Variants in CADPS2 observed in about 807,000 individuals in gnomAD.
The protein encoded by CADPS2 is calcium-dependent secretion activator 2.
CADPS2 carries 93 observed loss-of-function variants against 172.5 expected under a neutral mutation model. The observed-to-expected ratio is 0.54, with a 90% CI of 0.46 to 0.64. The LOEUF is 0.64. CADPS2 is among the 30% of genes least tolerant of loss of function. CADPS2 has a pLI of 0.00. For missense variants in CADPS2, 1,420 were observed against 1,565.9 expected, an observed-to-expected ratio of 0.91 and a Z score of 1.57; for synonymous variants, 546 against 555.2, an observed-to-expected ratio of 0.98 and a Z score of 0.23.
intron 1 of CADPS2, among the ~76,000 whole-genome samples, chr7:122,760,025 CAT>C (rs1423696153): frequency 6.6e-6 from 1 of 151,606 alleles, no homozygotes; most frequent in Admixed American, 6.6e-5. Flanking sequence ...CGGCACAGCA[CAT>C]ATATTTACCT....
At chr7:122,784,051 C>T (rs935651269) in intron 1 of CADPS2, among the ~76,000 whole-genome samples, 5 of 152,144 alleles carry the variant, frequency 3.3e-5, no homozygotes, top group African/African-American at 7.2e-5. Flanking sequence ...TTAGTAGTCA[C>T]GTCTATTTAA....
At chr7:122,640,067 T>C (rs757240317) in intron 3 of CADPS2, among the ~76,000 whole-genome samples, 2 of 152,184 alleles carry the variant, frequency 1.3e-5, no homozygotes, top group East Asian at 3.9e-4. Context: ...ACCCCGATCA[T>C]TCATGAGTAA....
intron 19 of CADPS2, among the ~76,000 whole-genome samples, chr7:122,408,547 C>T (rs190753699): frequency 7.9e-5 from 12 of 152,266 alleles, no homozygotes; most frequent in African/African-American, 2.4e-4. Flanking sequence ...CCCTCAGCCA[C>T]CCAAGTAGCT....
intron 6 of CADPS2, among the ~76,000 whole-genome samples, chr7:122,595,292 C>T (rs2071581679): frequency 6.6e-6 from 1 of 151,960 alleles, no homozygotes; most frequent in South Asian, 2.1e-4. Flanking sequence ...ATCAGTTCAG[C>T]ATATGAAAAG....
At chr7:122,487,941 C>T (rs1293596018) in intron 11 of CADPS2, among the ~76,000 whole-genome samples, 3 of 152,094 alleles carry the variant, frequency 2.0e-5, no homozygotes, top group Non-Finnish European at 4.4e-5. Context: ...AACAGTAAGA[C>T]TGAATATGAC....
At chr7:122,505,762 A>G (rs1276176742) in intron 9 of CADPS2, among the ~76,000 whole-genome samples, 4 of 152,156 alleles carry the variant, frequency 2.6e-5, no homozygotes, top group East Asian at 1.9e-4. Context: ...TATTAATGCT[A>G]TCTTTTGGGC....
intron 3 of CADPS2, among the ~76,000 whole-genome samples, chr7:122,646,172 T>C (rs2078531009): frequency 6.6e-6 from 1 of 152,062 alleles, no homozygotes; most frequent in South Asian, 2.1e-4. Flanking sequence ...ATAAACATTA[T>C]CTCATTTGAA....
chr7:122,673,307 C>G (rs2082057092), intron 2 of CADPS2, among the ~76,000 whole-genome samples: 1 of 152,244 alleles, frequency 6.6e-6, no homozygotes, highest in African/African-American at 2.4e-5. Context: ...CATCCACATC[C>G]TGCAGATTGG....
chr7:122,581,310 AT>A lies in CADPS2; in HGVS notation c.1224-21del, dbSNP rs1369469767. On this transcript the variant is annotated intron_variant, in intron 6 of 29. Coordinates refer to ENST00000449022, the MANE Select transcript of CADPS2 (RefSeq NM_017954.11). ...CCCCATCTGTAATGAAGTAAAAAAAATGTTTCTTAAAATGCAGCATTATTTT... is the reference window on the plus strand; with the variant it reads ...CCCCATCTGTAATGAAGTAAAAAAAAGTTTCTTAAAATGCAGCATTATTTT... 1.3e-6 allele frequency: 2 copies of A among 1,588,122 alleles called. No homozygotes were observed. The highest frequency in any genetic ancestry group is 1.3e-5 in the African/African-American group (1 of 74,318).
intron 1 of CADPS2, among the ~76,000 whole-genome samples, chr7:122,807,126 C>T (rs1798947702): frequency 6.6e-6 from 1 of 152,218 alleles, no homozygotes; most frequent in Non-Finnish European, 1.5e-5. Flanking sequence ...CTGCTACAAG[C>T]AGTGCATGCA....
chr7:122,422,823 G>T (rs992933098), intron 17 of CADPS2, among the ~76,000 whole-genome samples: 1 of 151,774 alleles, frequency 6.6e-6, no homozygotes, highest in African/African-American at 2.4e-5. Context: ...GCCTGGCGTG[G>T]TGGCACACGC....
intron 1 of CADPS2, among the ~76,000 whole-genome samples, chr7:122,873,570 T>C (rs532222469): frequency 6.6e-6 from 1 of 152,320 alleles, no homozygotes; most frequent in African/African-American, 2.4e-5. Flanking sequence ...CAGTCTATGA[T>C]TGATGGGCAT....
intron 2 of CADPS2, among the ~76,000 whole-genome samples, chr7:122,675,402 C>A (rs1371983500): frequency 1.3e-5 from 2 of 152,316 alleles, no homozygotes; most frequent in African/African-American, 2.4e-5. Flanking sequence ...AGTGAAAACT[C>A]TAAAGTGATG....
At chr7:122,678,246 AT>A (rs2082588279) in intron 2 of CADPS2, among the ~76,000 whole-genome samples, 1 of 152,208 alleles carries the variant, frequency 6.6e-6, no homozygotes, top group African/African-American at 2.4e-5. Context: ...TAATATTCTA[AT>A]AGTTGAAACT....
intron 6 of CADPS2, among the ~76,000 whole-genome samples, chr7:122,603,539 T>C (rs1305096167): frequency 1.3e-5 from 2 of 151,646 alleles, no homozygotes; most frequent in Admixed American, 1.3e-4. Flanking sequence ...AATATAACGA[T>C]TGGGTGTTCC....
At chr7:122,405,281 A>G (rs1377299175) in intron 20 of CADPS2, among the ~76,000 whole-genome samples, 1 of 152,206 alleles carries the variant, frequency 6.6e-6, no homozygotes, top group East Asian at 1.9e-4. Context: ...ATTTCATAGC[A>G]GAAAATGAAT....
intron 17 of CADPS2, chr7:122,427,098 TGAA>T (rs2049261295): frequency 1.3e-5 from 2 of 151,562 alleles, no homozygotes; most frequent in African/African-American, 2.4e-5. Flanking sequence ...AGGAACAAAC[TGAA>T]GAAGACATTA....
chr7:122,725,004 C>A (rs1222784683), intron 2 of CADPS2, among the ~76,000 whole-genome samples: 1 of 151,994 alleles, frequency 6.6e-6, no homozygotes, highest in Admixed American at 6.6e-5. Flanking sequence ...GTTTCTATGA[C>A]AACTCATTAA....
intron 2 of CADPS2, among the ~76,000 whole-genome samples, chr7:122,676,098 G>A (rs907773218): frequency 6.6e-6 from 1 of 152,194 alleles, no homozygotes. Flanking sequence ...GTAAGGGGGT[G>A]GGGAGGAGAG....
Sources: allele counts gnomAD v4.1 joint callset (sites outside exome capture counted in the v4.1 genomes callset), GRCh38; gene constraint gnomAD v4.1.1; transcripts MANE v1.5; gene names NCBI Gene and HGNC (gene_info 2026-07-23, HGNC 2026-07-21).